DNAI4: variants seen among roughly 807,000 people sequenced by gnomAD.
The protein encoded by DNAI4 is dynein axonemal intermediate chain 4.
Under a neutral mutation model 105.8 loss-of-function variants are expected in DNAI4, and 85 were observed. The ratio of observed to expected loss-of-function variants is 0.80; its 90% CI spans 0.67 to 0.96. The LOEUF (loss-of-function observed/expected upper bound fraction) is 0.96, where lower values mean the gene tolerates loss of function less well. Ranked by LOEUF, DNAI4 falls within the 40% of genes least tolerant of loss-of-function variation. The probability of loss-of-function intolerance (pLI) is 0.00; values close to 1 mark genes in which losing one functional copy is unlikely to be tolerated. For synonymous variants in DNAI4, 352 were observed against 331.5 expected, an observed-to-expected ratio of 1.06 and a Z score of -0.67; for missense variants, 1,014 against 1,005.6, an observed-to-expected ratio of 1.01 and a Z score of -0.11.
intron 7 of DNAI4, among the ~76,000 whole-genome samples, chr1:66,859,920 A>G (rs1020656803): frequency 2.6e-5 from 4 of 152,182 alleles, no homozygotes; most frequent in African/African-American, 9.6e-5. Context: ...ATTTGTTAAA[A>G]TACAAAGAAC....
At chr1:66,863,690 T>C (rs1163631692) in intron 6 of DNAI4, among the ~76,000 whole-genome samples, 1 of 152,176 alleles carries the variant, frequency 6.6e-6, no homozygotes, top group Non-Finnish European at 1.5e-5. Flanking sequence ...TCTCCTGACC[T>C]TAAGTGATCC....
At chr1:66,889,809 C>G (rs2100753104) in intron 4 of DNAI4, among the ~76,000 whole-genome samples, 1 of 152,116 alleles carries the variant, frequency 6.6e-6, no homozygotes, top group South Asian at 2.1e-4. Context: ...CATGTTTTAC[C>G]CTCTGCCTGG....
intron 1 of DNAI4, among the ~76,000 whole-genome samples, chr1:66,920,000 G>T (rs1474039012): frequency 6.6e-6 from 1 of 152,188 alleles, no homozygotes; most frequent in African/African-American, 2.4e-5. Context: ...CCTGGCGAGG[G>T]CCCCACCCTC....
intron 15 of DNAI4, among the ~76,000 whole-genome samples, chr1:66,825,254 A>G (rs980262999): frequency 1.5e-5 from 2 of 135,306 alleles, no homozygotes; most frequent in African/African-American, 5.6e-5. Context: ...ATCTCGGCTC[A>G]CTGCAAGCTC....
intron 11 of DNAI4, among the ~76,000 whole-genome samples, chr1:66,835,301 G>T (rs1645960851): frequency 6.6e-6 from 1 of 152,110 alleles, no homozygotes; most frequent in African/African-American, 2.4e-5. Flanking sequence ...TAAGCACTAT[G>T]ATAAAGGTAT....
chr1:66,872,144 C>T (rs186492485), intron 5 of DNAI4, among the ~76,000 whole-genome samples: 1 of 152,196 alleles, frequency 6.6e-6, no homozygotes, highest in Admixed American at 6.5e-5. Flanking sequence ...GTGTTTAAAT[C>T]TCCTACTTTA....
At chr1:66,843,318 G>A (rs763296173) in intron 8 of DNAI4, among the ~76,000 whole-genome samples, 2 of 151,790 alleles carry the variant, frequency 1.3e-5, no homozygotes, top group Non-Finnish European at 2.9e-5. Flanking sequence ...TGCTACTTTG[G>A]CATGTGTATA....
At position 66,905,231 on chromosome 1, in the gene DNAI4, T is replaced by C. The variant is rs1445345733; in HGVS notation, c.315A>G (p.Glu105=). 11 of 1,555,804 alleles carry C rather than the reference T, an allele frequency of 7.1e-6. No individual in the cohort carries two copies. The highest frequency in any genetic ancestry group is 9.6e-6 in the Non-Finnish European group (11 of 1,142,798). ...TTGTCTTTATATTGGGATTTGGTTT[T>C]TCTACAGTTTTCAGTTCAGGTGGAA... The part of the protein sequence containing the change: ...VLIPPELKTV[E]KPNPNIKTTQ... Residue 105 remains glutamate, a synonymous_variant, in exon 2 of 17, where the codon GAA becomes GAG. Coordinates refer to ENST00000371026, the MANE Select transcript of DNAI4 (RefSeq NM_024763.5).
chr1:66,905,091 T>C, intron 2 of DNAI4, 110 bp downstream of exon 2: 1 of 908,066 alleles, frequency 1.1e-6, no homozygotes, highest in African/African-American at 1.7e-5. Context: ...AATCAGTATT[T>C]CAAAATTATG....
intron 15 of DNAI4, among the ~76,000 whole-genome samples, chr1:66,825,985 ATTAAGTT>A (rs1220899664): frequency 1.3e-5 from 2 of 152,234 alleles, no homozygotes; most frequent in Admixed American, 6.5e-5. Context: ...TCAACATTGT[ATTAAGTT>A]TTCATATTAG....
rs145013650 is a variant in DNAI4, at chr1:66,827,054, T to TA, written c.2113-9dup. 1,521 of 1,451,540 alleles carry TA rather than the reference T, an allele frequency of 1.0e-3. No individual in the cohort carries two copies. The highest frequency in any genetic ancestry group is 1.6e-3 in the Admixed American group (75 of 47,086). The allele number at this position is 1,451,540 out of a possible 1,614,324, so 89.9% of individuals were successfully genotyped here. On this transcript the variant is annotated splice_polypyrimidine_tract_variant and intron_variant, in intron 14 of 16. Coordinates refer to ENST00000371026, the MANE Select transcript of DNAI4 (RefSeq NM_024763.5). ...CACTTTATACACTGGACCCTAGAAA[T>TA]AAAAAAAAAATACATAGGTAAATAA... is the stretch of plus-strand genomic sequence containing the variant.
intron 1 of DNAI4, among the ~76,000 whole-genome samples, chr1:66,917,698 T>C (rs1569899984): frequency 6.6e-6 from 1 of 152,372 alleles, no homozygotes; most frequent in East Asian, 1.9e-4. Context: ...TATTTGTTTT[T>C]CACTACCTGA....
chr1:66,857,695 C>T (rs980499248), intron 7 of DNAI4, among the ~76,000 whole-genome samples: 3 of 151,858 alleles, frequency 2.0e-5, no homozygotes, highest in South Asian at 2.1e-4. Context: ...CCACAACGCC[C>T]GGCTGATTTT....
intron 1 of DNAI4, among the ~76,000 whole-genome samples, chr1:66,922,218 T>C (rs3008856): frequency 0.78 from 119,112 of 152,006 alleles, 47,058 homozygotes; most frequent in East Asian, 0.88. Context: ...TGAGCCACTG[T>C]GCCTGGCAGG....
chr1:66,842,037 C>G (rs984717183), intron 8 of DNAI4, among the ~76,000 whole-genome samples: 1 of 152,194 alleles, frequency 6.6e-6, no homozygotes, highest in African/African-American at 2.4e-5. Flanking sequence ...TTTACTGTCT[C>G]CATATTTTGC....
chr1:66,875,022 T>C, intron 4 of DNAI4, 85 bp from the exon 5 acceptor site: 9 of 1,232,152 alleles, frequency 7.3e-6, no homozygotes, highest in South Asian at 1.5e-5. Context: ...TATACCATAA[T>C]GGGTAATATA....
chr1:66,837,401 TTTTCA>T (rs1354536993), intron 10 of DNAI4, among the ~76,000 whole-genome samples: 1 of 150,516 alleles, frequency 6.6e-6, no homozygotes, highest in Non-Finnish European at 1.5e-5. Context: ...TTTCAAAGGA[TTTTCA>T]TTTAAGATTC....
rs1647529615 is a variant in DNAI4 at position 66,890,681 on chromosome 1, G to A, written c.643+473C>T. Reference sequence around the variant, plus strand: ...GGAGAAGGAAGCAGAGGAGGAAGAGGAGGAAGAGGAAGAAGAAGAAGGAGA... The same window carrying A: ...GGAGAAGGAAGCAGAGGAGGAAGAGAAGGAAGAGGAAGAAGAAGAAGGAGA... On this transcript the variant is annotated intron_variant, in intron 4 of 16. Coordinates refer to ENST00000371026, the MANE Select transcript of DNAI4 (RefSeq NM_024763.5). This position sits in a 1 kb window ranked among gnomAD's most constrained non-coding sequence, Gnocchi z 4.1. 9.1e-6 allele frequency: 2 copies of A among 220,162 alleles called. No individual in the cohort carries two copies. The highest frequency in any genetic ancestry group is 6.2e-5 in the South Asian group (1 of 16,240). The allele number at this position is 220,162 out of a possible 1,614,324, so 13.6% of individuals were successfully genotyped here.
At chr1:66,860,202 T>A (rs1274661449) in intron 7 of DNAI4, among the ~76,000 whole-genome samples, 2 of 152,068 alleles carry the variant, frequency 1.3e-5, no homozygotes, top group Non-Finnish European at 2.9e-5. Context: ...AAAAAATAAT[T>A]TTTCTCTATC....
Sources: gnomAD v4.1 joint callset for allele counts (sites outside exome capture counted in the v4.1 genomes callset) on GRCh38, gnomAD v4.1.1 for gene constraint, Gnocchi (gnomAD v3.1) non-coding constraint, MANE v1.5 for transcripts, NCBI Gene and HGNC (gene_info 2026-07-23, HGNC 2026-07-21) for gene names.